Variants in PIP4K2A observed in about 807,000 individuals in gnomAD.
The protein encoded by PIP4K2A is phosphatidylinositol 5-phosphate 4-kinase type-2 alpha.
In PIP4K2A, 14 loss-of-function variants were observed where a neutral mutation model predicts 42.9. That is an observed-to-expected ratio of 0.33 (90% CI 0.22 to 0.51). PIP4K2A has a LOEUF of 0.51. PIP4K2A is among the 20% of genes least tolerant of loss of function. The pLI, the probability that PIP4K2A is intolerant of heterozygous loss-of-function variation, is 0.97. For synonymous variants in PIP4K2A, 192 were observed against 192.2 expected, an observed-to-expected ratio of 1.00 and a Z score of 0.01; for missense variants, 434 against 519.8, an observed-to-expected ratio of 0.83 and a Z score of 1.61.
intron 1 of PIP4K2A, chr10:22,691,833 G>A (rs1265949848): frequency 6.6e-6 from 1 of 152,124 alleles, no homozygotes; most frequent in Non-Finnish European, 1.5e-5. Flanking sequence ...TTAATCAATA[G>A]GAAGAGCTGC....
chr10:22,571,683 A>G (rs1051514833), intron 5 of PIP4K2A, among the ~76,000 whole-genome samples: 1 of 152,236 alleles, frequency 6.6e-6, no homozygotes, highest in African/African-American at 2.4e-5. Flanking sequence ...TTGAGAAATT[A>G]CCTCTTGTCA....
chr10:22,592,378 A>C (rs1249647413), intron 3 of PIP4K2A, among the ~76,000 whole-genome samples: 1 of 152,218 alleles, frequency 6.6e-6, no homozygotes, highest in East Asian at 1.9e-4. Context: ...CTCAACTAGT[A>C]AACTACTCAA....
chr10:22,654,724 T>A (rs117851391), intron 1 of PIP4K2A, among the ~76,000 whole-genome samples: 1 of 152,308 alleles, frequency 6.6e-6, no homozygotes, highest in East Asian at 1.9e-4. Flanking sequence ...TGTATAATTC[T>A]GGGCAGTTAA....
chr10:22,578,052 T>G lies in PIP4K2A; in HGVS notation c.493-4595A>C, dbSNP rs373562076. On this transcript the variant is annotated intron_variant, in intron 4 of 9. Transcript: ENST00000376573. ...AAAGTATTTACAGAGGAAATGTGTC[T>G]GTGATTTACTTTTGAAACATTTCTG... 5.0e-4 allele frequency among the ~76,000 whole-genome samples: 76 copies of G among 152,358 alleles called. 1 individual carries two copies. In the East Asian group the frequency reaches 5.6e-3, roughly 11 times the overall value.
chr10:22,713,951 C>T, intron 1 of PIP4K2A: 1 of 396,392 alleles, frequency 2.5e-6, no homozygotes, highest in Non-Finnish European at 4.6e-6. Flanking sequence ...CACGGGACCC[C>T]CGACCCGCAC....
chr10:22,665,493 G>A (rs1296469913), intron 1 of PIP4K2A, among the ~76,000 whole-genome samples: 1 of 151,728 alleles, frequency 6.6e-6, no homozygotes, highest in Non-Finnish European at 1.5e-5. Context: ...CCGTGCTGGA[G>A]TACAGTGGCA....
intron 1 of PIP4K2A, among the ~76,000 whole-genome samples, chr10:22,710,734 C>G (rs755387113): frequency 2.6e-4 from 40 of 152,228 alleles, no homozygotes; most frequent in Non-Finnish European, 5.6e-4. Context: ...ATTTCAACTT[C>G]TACAGCTTTA....
At chr10:22,544,222 C>T (rs971466907) in intron 7 of PIP4K2A, among the ~76,000 whole-genome samples, 1 of 152,082 alleles carries the variant, frequency 6.6e-6, no homozygotes, top group Non-Finnish European at 1.5e-5. Flanking sequence ...ACCTGCTTTC[C>T]CGTCAGAATG....
intron 1 of PIP4K2A, among the ~76,000 whole-genome samples, chr10:22,612,362 G>A (rs1302595554): frequency 6.6e-6 from 1 of 152,222 alleles, no homozygotes; most frequent in African/African-American, 2.4e-5. Flanking sequence ...CCAGATGGGG[G>A]AGGCATGTGA....
At chr10:22,602,509 T>C (rs1837812133) in intron 3 of PIP4K2A, among the ~76,000 whole-genome samples, 1 of 152,132 alleles carries the variant, frequency 6.6e-6, no homozygotes, top group African/African-American at 2.4e-5. Context: ...ACAGGGCTGC[T>C]CGCTGGCAGC....
chr10:22,541,737 TG>T, intron 8 of PIP4K2A, 66 bp downstream of exon 8: 1 of 1,486,392 alleles, frequency 6.7e-7, no homozygotes. Flanking sequence ...TAGTGCTTAC[TG>T]GTAGATAACA....
intron 4 of PIP4K2A, among the ~76,000 whole-genome samples, chr10:22,577,000 T>A (rs1837139155): frequency 6.7e-6 from 1 of 148,306 alleles, no homozygotes; most frequent in South Asian, 2.1e-4. Flanking sequence ...ATCGTTTGAA[T>A]TTGGGAGGCG....
chr10:22,673,601 C>T (rs1839496993), intron 1 of PIP4K2A, among the ~76,000 whole-genome samples: 1 of 152,012 alleles, frequency 6.6e-6, no homozygotes, highest in Non-Finnish European at 1.5e-5. Flanking sequence ...TCCTGTTCTG[C>T]TCCTGCAGCC....
intron 1 of PIP4K2A, among the ~76,000 whole-genome samples, chr10:22,676,445 C>G (rs994416492): frequency 5.3e-5 from 8 of 152,252 alleles, no homozygotes; most frequent in African/African-American, 1.9e-4. Flanking sequence ...CTTTGTCTCA[C>G]TGCTTGAAGA....
intron 1 of PIP4K2A, 177 bp downstream of exon 1, chr10:22,714,006 G>A (rs1833963169): frequency 3.4e-6 from 2 of 592,556 alleles, no homozygotes; most frequent in African/African-American, 3.9e-5. Context: ...TGCCTGGGCG[G>A]CCCAGAGGGC....
intron 4 of PIP4K2A, among the ~76,000 whole-genome samples, chr10:22,581,500 GC>G (rs1349761800): frequency 6.9e-6 from 1 of 145,414 alleles, no homozygotes; most frequent in Middle Eastern, 3.4e-3. Flanking sequence ...GGAGGCTGAG[GC>G]AGGAGGGTTG....
intron 1 of PIP4K2A, among the ~76,000 whole-genome samples, chr10:22,682,122 T>C (rs1185428581): frequency 1.3e-5 from 2 of 152,088 alleles, no homozygotes; most frequent in African/African-American, 4.8e-5. Flanking sequence ...ATTCAAGATA[T>C]AAAAATGCTC....
At chr10:22,686,389 CAA>C (rs1396907748) in intron 1 of PIP4K2A, among the ~76,000 whole-genome samples, 1 of 152,160 alleles carries the variant, frequency 6.6e-6, no homozygotes, top group African/African-American at 2.4e-5. Context: ...CAGTAGGCAT[CAA>C]AAAGACTTTT....
chr10:22,591,384 C>T (rs10764341), intron 4 of PIP4K2A, among the ~76,000 whole-genome samples: 97,323 of 152,132 alleles, frequency 0.64, 31,663 homozygotes, highest in East Asian at 0.94. Context: ...GAAACTATTA[C>T]ACAAGAGTAT....
Sources: allele counts gnomAD v4.1 joint callset (sites outside exome capture counted in the v4.1 genomes callset), GRCh38; gene constraint gnomAD v4.1.1; transcripts MANE v1.5; gene names NCBI Gene and HGNC (gene_info 2026-07-23, HGNC 2026-07-21).